The following ATF2 variants were observed in gnomAD, a reference collection of about 807,000 sequenced individuals.
ATF2 encodes the protein cyclic AMP-dependent transcription factor ATF-2.
A neutral mutation model predicts 60.6 loss-of-function variants in ATF2; 24 were observed. That is an observed-to-expected ratio of 0.40 (90% CI 0.29 to 0.56). The LOEUF (loss-of-function observed/expected upper bound fraction) is 0.56, where lower values mean the gene tolerates loss of function less well. ATF2 is among the 20% of genes least tolerant of loss of function. The pLI is 0.54. For synonymous variants in ATF2, 206 were observed against 215.4 expected (o/e 0.96, Z 0.38); for missense variants, 433 against 607.7 (o/e 0.71, Z 3.02).
chr2:175,157,648 G>GCCCCCT (rs1699767152), intron 1 of ATF2, among the ~76,000 whole-genome samples: 2 of 152,176 alleles, frequency 1.3e-5, no homozygotes, highest in Non-Finnish European at 1.5e-5. Flanking sequence ...ACTGAAGGGG[G>GCCCCCT]AGGGGCACGC....
At chr2:175,147,768 GT>G (rs1699048869) in intron 2 of ATF2, among the ~76,000 whole-genome samples, 1 of 152,146 alleles carries the variant, frequency 6.6e-6, no homozygotes, top group Admixed American at 6.5e-5. Flanking sequence ...AAGAGAAAAA[GT>G]GAAAATAGTA....
chr2:175,140,872 G>A (rs1203952668), intron 2 of ATF2, among the ~76,000 whole-genome samples: 8 of 148,496 alleles, frequency 5.4e-5, no homozygotes, highest in South Asian at 2.1e-4. Context: ...TGGTATGTGC[G>A]TGTAGTCCTA....
In ATF2 at chr2:175,084,659, T is replaced by TA. The variant is rs1248781437; in HGVS notation, c.1186-3895dup. On this transcript the variant is annotated intron_variant, in intron 12 of 13. Coordinates refer to ENST00000264110, the MANE Select transcript of ATF2 (RefSeq NM_001880.4). ...TAAAGTATAAAAAAAAAAAAAAAGT[T>TA]AAAAAAAAAAAGAATGCATAGGAAA... Among the ~76,000 whole-genome samples, 284 of 143,888 alleles carry TA rather than the reference T, an allele frequency of 2.0e-3. 1 individual carries two copies. Among genetic ancestry groups the TA allele is most frequent in the South Asian group, 0.013 (57 of 4,532 alleles). The allele number at this position is 143,888 out of a possible 152,430, so 94.4% of individuals were successfully genotyped here. A position where few individuals can be genotyped will look rare whatever the true frequency, so the allele number is the denominator to read the frequency against.
intron 1 of ATF2, among the ~76,000 whole-genome samples, chr2:175,154,225 G>GAA (rs748103537): frequency 0.033 from 4,629 of 141,554 alleles, 96 homozygotes; most frequent in Admixed American, 0.086. Flanking sequence ...AAAAAGAAAA[G>GAA]AAAAAAAAAA....
At chr2:175,154,234 A>AATAT (rs372519893) in intron 1 of ATF2, among the ~76,000 whole-genome samples, 153 of 131,656 alleles carry the variant, frequency 1.2e-3, no homozygotes, top group Middle Eastern at 8.4e-3. Flanking sequence ...AGAAAAAAAA[A>AATAT]ATATATATAT....
chr2:175,077,162 G>C (rs7573394), intron 13 of ATF2, among the ~76,000 whole-genome samples: 109,544 of 151,842 alleles, frequency 0.72, 40,971 homozygotes, highest in East Asian at 0.87. Context: ...ATTCCATGAT[G>C]TATATGTGCC....
chr2:175,152,577 T>C lies in ATF2; in HGVS notation c.-142-1419A>G, dbSNP rs73976306. ...GTGCTGAGCTTCCATTACCAGGTCA[T>C]ATAGGTATTGGGAGATTTCCCTATT... On this transcript the variant is annotated intron_variant, in intron 1 of 13. Transcript: ENST00000264110. 8.5e-4 allele frequency among the ~76,000 whole-genome samples: 130 copies of C among 152,334 alleles called. 1 individual carries two copies. Among genetic ancestry groups the C allele is most frequent in the African/African-American group, 3.1e-3 (127 of 41,572 alleles).
In ATF2 at chr2:175,074,574, T is replaced by A; in HGVS notation, c.*35A>T. The A allele has an allele frequency of 6.3e-7, 1 of 1,581,106 alleles. No individual in the cohort carries two copies. Among genetic ancestry groups the A allele is most frequent in the Non-Finnish European group, 8.6e-7 (1 of 1,160,774 alleles). On this transcript the variant is annotated 3_prime_UTR_variant, in exon 14 of 14. Transcript: ENST00000264110. ...CTTGATTTCCCTTTGAAGTCACTAA[T>A]GAGTATCTAAAACTGTTGTACTGCA... is the stretch of plus-strand genomic sequence containing the variant.
intron 4 of ATF2, among the ~76,000 whole-genome samples, chr2:175,124,086 A>AAAGTT (rs60962173): frequency 0.97 from 146,830 of 151,846 alleles, 71,103 homozygotes; most frequent in East Asian, 1. Context: ...CAGTCAAATT[A>AAAGTT]TATTCCAAGA....
intron 11 of ATF2, 152 bp downstream of exon 11, chr2:175,097,292 T>C: frequency 9.5e-7 from 1 of 1,054,688 alleles, no homozygotes; most frequent in Non-Finnish European, 1.3e-6. Context: ...GTATCAATAC[T>C]TGTATACTGA....
chr2:175,108,316 G>A (rs1437427401), intron 10 of ATF2, among the ~76,000 whole-genome samples: 1 of 151,908 alleles, frequency 6.6e-6, no homozygotes, highest in Non-Finnish European at 1.5e-5. Context: ...CGTCCGGGAG[G>A]GAGGTGGGGG....
At chr2:175,112,952 A>G (rs1008657792) in intron 9 of ATF2, among the ~76,000 whole-genome samples, 6 of 152,252 alleles carry the variant, frequency 3.9e-5, no homozygotes, top group African/African-American at 1.4e-4. Flanking sequence ...AGCATCTTAG[A>G]AGGTAAAAGA....
chr2:175,134,664 A>C (rs1236949909), intron 3 of ATF2, among the ~76,000 whole-genome samples: 2 of 152,202 alleles, frequency 1.3e-5, no homozygotes, highest in African/African-American at 4.8e-5. Context: ...AATTTCAACA[A>C]GTGCAGAAGA....
At chr2:175,159,303 A>C (rs1371585386) in intron 1 of ATF2, among the ~76,000 whole-genome samples, 1 of 151,908 alleles carries the variant, frequency 6.6e-6, no homozygotes, top group Non-Finnish European at 1.5e-5. Flanking sequence ...TGCGCGACAG[A>C]GCAAGACTCC....
chr2:175,111,650 A>G lies in ATF2; in HGVS notation c.746T>C (p.Val249Ala). ...NVHVPAAVPL[V>A]RPVTMVPSVP... ...ACTAGGCACCATGGTGACTGGTCGA[A>G]CGAGCTATGCATGACATAAGGAAAA... The change falls in exon 10 of 14, where the codon GTT becomes GCT. Residue 249 changes from valine to alanine, a missense_variant. Val to Ala is a moderately conservative substitution (Grantham distance 64). Around this residue, in one of 5 missense-constraint regions of ATF2, gnomAD observed 246 missense variants for 309.3 expected, o/e 0.80. Coordinates refer to ENST00000264110, the MANE Select transcript of ATF2 (RefSeq NM_001880.4). 6.2e-7 allele frequency: 1 copy of G among 1,613,550 alleles called. No individual in the cohort carries two copies. Among genetic ancestry groups the G allele is most frequent in the Non-Finnish European group, 8.5e-7 (1 of 1,179,578 alleles).
intron 2 of ATF2, among the ~76,000 whole-genome samples, chr2:175,139,173 A>G (rs1698332568): frequency 6.6e-6 from 1 of 152,216 alleles, no homozygotes; most frequent in Non-Finnish European, 1.5e-5. Flanking sequence ...GTCTCTATTC[A>G]TCGTTGTATC....
chr2:175,075,397 T>G (rs1413908933), intron 13 of ATF2, among the ~76,000 whole-genome samples: 2 of 152,146 alleles, frequency 1.3e-5, no homozygotes, highest in Admixed American at 1.3e-4. Flanking sequence ...CAAGCAGTAT[T>G]TAGAATCTAA....
intron 1 of ATF2, among the ~76,000 whole-genome samples, chr2:175,157,574 A>G (rs1341222346): frequency 6.6e-6 from 1 of 152,190 alleles, no homozygotes; most frequent in Non-Finnish European, 1.5e-5. Context: ...TTGGTTGATG[A>G]TTGCTGCTGA....
intron 3 of ATF2, among the ~76,000 whole-genome samples, chr2:175,132,178 T>A (rs1291041187): frequency 6.6e-6 from 1 of 152,206 alleles, no homozygotes; most frequent in Non-Finnish European, 1.5e-5. Flanking sequence ...AAAAATGTTT[T>A]TGACTTCACA....
Sources: gnomAD v4.1 joint callset for allele counts (sites outside exome capture counted in the v4.1 genomes callset) on GRCh38, gnomAD v4.1.1 for gene constraint, gnomAD v4.1.1 regional missense constraint, MANE v1.5 for transcripts, NCBI Gene and HGNC (gene_info 2026-07-23, HGNC 2026-07-21) for gene names.